PCSK2: variants seen among roughly 807,000 people sequenced by gnomAD.
PCSK2 encodes neuroendocrine convertase 2.
PCSK2 carries 14 observed loss-of-function variants against 69.7 expected under a neutral mutation model. That is an observed-to-expected ratio of 0.20 (90% CI 0.13 to 0.31). The LOEUF (loss-of-function observed/expected upper bound fraction) is 0.31. PCSK2 is among the 10% of genes least tolerant of loss of function. The probability of loss-of-function intolerance (pLI) is 1.00; values close to 1 mark genes in which losing one functional copy is unlikely to be tolerated. For missense variants in PCSK2, 544 were observed against 842.5 expected, an observed-to-expected ratio of 0.65 and a Z score of 4.39; for synonymous variants, 307 against 320.7, an observed-to-expected ratio of 0.96 and a Z score of 0.46.
intron 5 of PCSK2, among the ~76,000 whole-genome samples, chr20:17,391,082 C>T (rs1025957816): frequency 6.6e-6 from 1 of 152,148 alleles, no homozygotes; most frequent in African/African-American, 2.4e-5. Context: ...TCTTCAAATC[C>T]TTGTGTGAAT....
At chr20:17,399,090 A>T (rs2031579937) in intron 5 of PCSK2, among the ~76,000 whole-genome samples, 1 of 152,246 alleles carries the variant, frequency 6.6e-6, no homozygotes, top group Non-Finnish European at 1.5e-5. Context: ...ATGAATGGAA[A>T]TGTTTGAAGT....
At chr20:17,447,515 TA>T (rs2032723372) in intron 8 of PCSK2, among the ~76,000 whole-genome samples, 1 of 152,220 alleles carries the variant, frequency 6.6e-6, no homozygotes, top group South Asian at 2.1e-4. Context: ...GAGCTGAATA[TA>T]GAGTTCTCAT....
chr20:17,293,458 C>A (rs1013990258), intron 2 of PCSK2, among the ~76,000 whole-genome samples: 23 of 152,274 alleles, frequency 1.5e-4, no homozygotes, highest in Middle Eastern at 6.8e-3. Context: ...TGGCTTCTAA[C>A]AAATTCCCAT....
chr20:17,442,291 G>A (rs1459365716), intron 8 of PCSK2, among the ~76,000 whole-genome samples: 1 of 151,786 alleles, frequency 6.6e-6, no homozygotes, highest in East Asian at 2.0e-4. Context: ...AGGGTTGGCT[G>A]ACACTTCCGT....
intron 5 of PCSK2, among the ~76,000 whole-genome samples, chr20:17,395,036 A>G (rs879272565): frequency 3.9e-5 from 6 of 152,168 alleles, no homozygotes; most frequent in Non-Finnish European, 8.8e-5. Context: ...TTCTTCCTGA[A>G]AGAGAACCGA....
At chr20:17,350,090 CT>C (rs1012559184) in intron 2 of PCSK2, among the ~76,000 whole-genome samples, 49 of 150,646 alleles carry the variant, frequency 3.3e-4, no homozygotes, top group African/African-American at 1.2e-3. Context: ...TCTAGGCCCT[CT>C]TAGTATAATG....
At chr20:17,411,845 G>A (rs974721350) in intron 6 of PCSK2, among the ~76,000 whole-genome samples, 3 of 152,230 alleles carry the variant, frequency 2.0e-5, no homozygotes, top group African/African-American at 7.2e-5. Context: ...AATATTTGCT[G>A]TTCTGCAATA....
intron 6 of PCSK2, among the ~76,000 whole-genome samples, chr20:17,421,966 G>T (rs1466432080): frequency 1.3e-5 from 2 of 151,860 alleles, no homozygotes; most frequent in African/African-American, 2.4e-5. Flanking sequence ...GTTCTATGAA[G>T]CAGTCTTGAA....
intron 2 of PCSK2, among the ~76,000 whole-genome samples, chr20:17,341,070 T>A (rs1990497885): frequency 6.6e-6 from 1 of 151,954 alleles, no homozygotes; most frequent in African/African-American, 2.4e-5. Context: ...GGCCAAAATG[T>A]CTCTACTAAA....
At chr20:17,339,064 T>C (rs1003572454) in intron 2 of PCSK2, among the ~76,000 whole-genome samples, 1 of 152,160 alleles carries the variant, frequency 6.6e-6, no homozygotes, top group Non-Finnish European at 1.5e-5. Context: ...ATTCAACAAT[T>C]ACTATAACAA....
At chr20:17,298,365 G>A (rs1988965549) in intron 2 of PCSK2, among the ~76,000 whole-genome samples, 1 of 152,020 alleles carries the variant, frequency 6.6e-6, no homozygotes, top group African/African-American at 2.4e-5. Context: ...TGGCCCCAGG[G>A]GACACTTGGC....
At chr20:17,413,503 C>T (rs1020699563) in intron 6 of PCSK2, among the ~76,000 whole-genome samples, 6 of 152,150 alleles carry the variant, frequency 3.9e-5, no homozygotes, top group Non-Finnish European at 5.9e-5. Context: ...TATATATGCA[C>T]CCAATACAGG....
At chr20:17,409,442 C>A in intron 6 of PCSK2, 103 bp downstream of exon 6, 1 of 771,970 alleles carries the variant, frequency 1.3e-6, no homozygotes, top group Non-Finnish European at 2.3e-6. Flanking sequence ...AATCCCCATG[C>A]TTCATTAAAT....
chr20:17,315,933 G>T (rs1202676264), intron 2 of PCSK2, among the ~76,000 whole-genome samples: 1 of 152,210 alleles, frequency 6.6e-6, no homozygotes, highest in Non-Finnish European at 1.5e-5. Flanking sequence ...CCACTCCCCA[G>T]GGTTAAAAAT....
chr20:17,420,418 A>C (rs2032096129), intron 6 of PCSK2, among the ~76,000 whole-genome samples: 1 of 152,218 alleles, frequency 6.6e-6, no homozygotes, highest in Non-Finnish European at 1.5e-5. Context: ...TATTAGCTCA[A>C]AGGTTACTGC....
At chr20:17,287,431 C>CTGTGTGTGTGTGTGTGTGTG (rs67695913) in intron 2 of PCSK2, among the ~76,000 whole-genome samples, 115 of 146,022 alleles carry the variant, frequency 7.9e-4, no homozygotes, top group African/African-American at 2.5e-3. Context: ...ATGTGCGTGT[C>CTGTGTGTGTGTGTGTGTGTG]TGTGTGTGTG....
intron 8 of PCSK2, among the ~76,000 whole-genome samples, chr20:17,438,750 C>T (rs75582157): frequency 6.6e-6 from 1 of 152,230 alleles, no homozygotes; most frequent in Non-Finnish European, 1.5e-5. Context: ...TTATGCCCCC[C>T]ACACCCAGGG....
At chr20:17,314,847 A>G (rs1285561894) in intron 2 of PCSK2, among the ~76,000 whole-genome samples, 2 of 152,158 alleles carry the variant, frequency 1.3e-5, no homozygotes, top group Non-Finnish European at 2.9e-5. Context: ...GTTTACTAAT[A>G]GAAGTGTGAC....
At chr20:17,441,324 G>T (rs1213334019) in intron 8 of PCSK2, among the ~76,000 whole-genome samples, 1 of 152,200 alleles carries the variant, frequency 6.6e-6, no homozygotes, top group Non-Finnish European at 1.5e-5. Flanking sequence ...CCAGTCAGAT[G>T]GTTTCTAATA....
Sources: gnomAD v4.1 joint callset for allele counts (sites outside exome capture counted in the v4.1 genomes callset) on GRCh38, gnomAD v4.1.1 for gene constraint, MANE v1.5 for transcripts, NCBI Gene and HGNC (gene_info 2026-07-23, HGNC 2026-07-21) for gene names.